FBP2: variants seen among roughly 807,000 people sequenced by gnomAD.
FBP2 encodes fructose-bisphosphatase 2.
FBP2 carries 27 observed loss-of-function variants against 31.6 expected under a neutral mutation model. The ratio of observed to expected loss-of-function variants is 0.85; its 90% CI spans 0.63 to 1.18. The LOEUF is 1.18. Ranked by LOEUF, FBP2 falls within the 50% of genes most tolerant of loss-of-function variation. FBP2 has a pLI of 0.00. For synonymous variants in FBP2, 168 were observed against 179.8 expected, an observed-to-expected ratio of 0.93 and a Z score of 0.53; for missense variants, 421 against 436.1, an observed-to-expected ratio of 0.97 and a Z score of 0.31.
chr9:94,563,155 CCTT>C (rs1311506791), intron 6 of FBP2, among the ~76,000 whole-genome samples, 184 bp downstream of exon 6: 3 of 152,276 alleles, frequency 2.0e-5, no homozygotes, highest in East Asian at 3.9e-4. Context: ...CAGCCTGTCG[CCTT>C]CTTCTTCAAA....
chr9:94,582,365 T>C (rs1434828236), intron 3 of FBP2, among the ~76,000 whole-genome samples: 3 of 151,612 alleles, frequency 2.0e-5, no homozygotes, highest in East Asian at 1.9e-4. Context: ...TGTGTGTGTG[T>C]GTGTGTGTGT....
chr9:94,577,685 A>G (rs1338280028), intron 3 of FBP2: 1 of 152,230 alleles, frequency 6.6e-6, no homozygotes, highest in Admixed American at 6.5e-5. Context: ...GCTTTACCCC[A>G]AATTTTGGCT....
rs1356250653 is a variant in FBP2, at chr9:94,571,613, G to A, written c.427-11C>T. The A allele has an allele frequency of 5.0e-6, 8 of 1,608,262 alleles. No homozygotes were observed. The Admixed American group carries it at 1.3e-4, about 27-fold the overall frequency. ...CTCATCCTCTGAGGTCTGTGGAAGA[G>A]AGGGATAAATGCCATGTGTTATTGT... On this transcript the variant is annotated splice_polypyrimidine_tract_variant and intron_variant, in intron 3 of 6. Coordinates refer to ENST00000375337, the MANE Select transcript of FBP2 (RefSeq NM_003837.4).
In FBP2 at chr9:94,584,583, A is replaced by G. The variant is rs1310949594; in HGVS notation, c.420T>C (p.Tyr140=). The stretch of plus-strand genomic sequence containing the variant: ...TGTCAGCCTGTCTACTCACCTTTCT[A>G]TAGATGGCAAAGATGGTTCCGATGG... The part of the protein sequence containing the change: ...LASIGTIFAI[Y]RKTSEDEPSE... The change falls in exon 3 of 7, where the codon TAT becomes TAC. Residue 140 remains tyrosine (Y), a synonymous_variant. Coordinates refer to ENST00000375337, the MANE Select transcript of FBP2 (RefSeq NM_003837.4). The G allele has an allele frequency of 6.2e-7, 1 of 1,607,628 alleles. No homozygotes were observed. The highest frequency in any genetic ancestry group is 1.7e-5 in the Admixed American group (1 of 59,992).
intron 4 of FBP2, chr9:94,570,091 TCTGTC>T (rs1477208410): frequency 6.6e-6 from 1 of 152,208 alleles, no homozygotes; most frequent in African/African-American, 2.4e-5. Flanking sequence ...ATCTCTTCCT[TCTGTC>T]ATGTTGACAA....
chr9:94,568,281 G>T (rs1827222923), intron 4 of FBP2: 1 of 152,180 alleles, frequency 6.6e-6, no homozygotes, highest in Admixed American at 6.5e-5. Flanking sequence ...GAAAAAGTTG[G>T]TAAAATCTAA....
At chr9:94,585,430 T>C (rs1203757055) in intron 2 of FBP2, among the ~76,000 whole-genome samples, 1 of 151,662 alleles carries the variant, frequency 6.6e-6, no homozygotes, top group African/African-American at 2.4e-5. Flanking sequence ...GGCACTGACA[T>C]TCCAGTGGGA....
At chr9:94,565,793 A>AGATAGATGATG (rs370309629) in intron 5 of FBP2, among the ~76,000 whole-genome samples, 24 of 128,032 alleles carry the variant, frequency 1.9e-4, no homozygotes, top group African/African-American at 9.1e-4. Context: ...GATAGATGAT[A>AGATAGATGATG]GATAGGTGAG....
At chr9:94,567,139 C>T in intron 5 of FBP2, 131 bp downstream of exon 5, 1 of 832,024 alleles carries the variant, frequency 1.2e-6, no homozygotes, top group Non-Finnish European at 1.9e-6. Flanking sequence ...CAGAGTCCAT[C>T]ATCTTCATAC....
intron 4 of FBP2, chr9:94,569,088 G>C (rs1002575441): frequency 6.6e-6 from 1 of 152,286 alleles, no homozygotes; most frequent in Non-Finnish European, 1.5e-5. Context: ...GCCCAGCGCT[G>C]ATTTCTACTT....
intron 2 of FBP2, among the ~76,000 whole-genome samples, chr9:94,585,376 G>A (rs1827415257): frequency 6.6e-6 from 1 of 152,198 alleles, no homozygotes; most frequent in Admixed American, 6.5e-5. Flanking sequence ...CCTGGGGTTT[G>A]TTTCCGGGGG....
At chr9:94,584,910 G>A (rs1389859027) in intron 2 of FBP2, among the ~76,000 whole-genome samples, 1 of 152,182 alleles carries the variant, frequency 6.6e-6, no homozygotes, top group African/African-American at 2.4e-5. Context: ...TAAAGTGGGT[G>A]TGTCTTGAGA....
chr9:94,589,134 AT>A (rs112320515), intron 1 of FBP2, among the ~76,000 whole-genome samples: 2 of 151,070 alleles, frequency 1.3e-5, no homozygotes, highest in Admixed American at 6.6e-5. Flanking sequence ...CAATGGCAGG[AT>A]TTTTTTTTCC....
chr9:94,561,342 T>C (rs1329620308), intron 6 of FBP2, among the ~76,000 whole-genome samples: 1 of 144,858 alleles, frequency 6.9e-6, no homozygotes, highest in African/African-American at 2.5e-5. Context: ...CCATGTGACA[T>C]GTGACCTGTA....
At chr9:94,592,361 A>G (rs1827512317) in intron 1 of FBP2, among the ~76,000 whole-genome samples, 1 of 152,138 alleles carries the variant, frequency 6.6e-6, no homozygotes, top group South Asian at 2.1e-4. Flanking sequence ...TAATGCTATC[A>G]CTTTTTGTGT....
At chr9:94,588,059 G>C (rs956832603) in intron 1 of FBP2, among the ~76,000 whole-genome samples, 2 of 151,824 alleles carry the variant, frequency 1.3e-5, no homozygotes, top group African/African-American at 2.4e-5. Context: ...CACCATGTTA[G>C]CCAGGATGGT....
At chr9:94,560,737 C>G (rs1423212766) in intron 6 of FBP2, among the ~76,000 whole-genome samples, 2 of 146,932 alleles carry the variant, frequency 1.4e-5, no homozygotes, top group Admixed American at 1.4e-4. Context: ...TATATATTTA[C>G]ATATAATATG....
chr9:94,572,713 AACACACACATGAGTTT>A (rs1254154064), intron 3 of FBP2, among the ~76,000 whole-genome samples: 3 of 152,022 alleles, frequency 2.0e-5, no homozygotes, highest in Non-Finnish European at 4.4e-5. Context: ...ACACACACAC[AACACACACATGAGTTT>A]ACACACACAC....
chr9:94,591,512 G>T (rs900844393), intron 1 of FBP2, among the ~76,000 whole-genome samples: 1 of 152,276 alleles, frequency 6.6e-6, no homozygotes, highest in African/African-American at 2.4e-5. Flanking sequence ...CCCAGTTCCC[G>T]CTCGCACCTC....
Sources: gnomAD v4.1 joint callset for allele counts (sites outside exome capture counted in the v4.1 genomes callset) on GRCh38, gnomAD v4.1.1 for gene constraint, MANE v1.5 for transcripts, NCBI Gene and HGNC (gene_info 2026-07-23, HGNC 2026-07-21) for gene names.